The following OLFM4 variants were observed in gnomAD, a reference collection of about 807,000 sequenced individuals.
OLFM4 encodes olfactomedin 4.
Under a neutral mutation model 25.5 loss-of-function variants are expected in OLFM4, and 22 were observed. The observed-to-expected ratio is 0.86, with a 90% CI of 0.62 to 1.23. The LOEUF is 1.23. Among genes scored for constraint, OLFM4 ranks in the 50% most tolerant of loss-of-function variants. The probability of loss-of-function intolerance (pLI) is 0.00; values close to 1 mark genes in which losing one functional copy is unlikely to be tolerated. For missense variants in OLFM4, 594 were observed against 619.4 expected (o/e 0.96, Z 0.44); for synonymous variants, 255 against 237.7 (o/e 1.07, Z -0.67).
At chr13:53,032,094 C>A (rs1954632184) in intron 1 of OLFM4, among the ~76,000 whole-genome samples, 1 of 152,174 alleles carries the variant, frequency 6.6e-6, no homozygotes, top group Non-Finnish European at 1.5e-5. Context: ...GAGTCCACAG[C>A]TTTGGGACAG....
intron 1 of OLFM4, among the ~76,000 whole-genome samples, chr13:53,034,014 G>T (rs541975834): frequency 8.0e-5 from 11 of 137,622 alleles, no homozygotes; most frequent in Admixed American, 3.9e-4. Flanking sequence ...CCGAGATCGC[G>T]CCACTGCACT....
At chr13:53,042,187 A>T (rs563959660) in intron 3 of OLFM4, 65 bp downstream of exon 3, 1 of 1,366,332 alleles carries the variant, frequency 7.3e-7, no homozygotes, top group Non-Finnish European at 1.0e-6. Flanking sequence ...GTAAGCAAGT[A>T]CTAGTACCAG....
At chr13:53,049,742 C>T (rs557690453) in intron 4 of OLFM4, among the ~76,000 whole-genome samples, 20 of 152,234 alleles carry the variant, frequency 1.3e-4, no homozygotes, top group Admixed American at 1.2e-3. Flanking sequence ...AAAGCCCACC[C>T]ATGGAAACAG....
In OLFM4 at chr13:53,048,475, C is replaced by T. The variant is rs146795062; in HGVS notation, c.731-1494C>T. On this transcript the variant is annotated intron_variant, in intron 4 of 4. Coordinates refer to ENST00000219022, the MANE Select transcript of OLFM4 (RefSeq NM_006418.5). ...AATTCTGGGACCAAAAAGCCCCAGC[C>T]GATTGGAAAAATAAAAACAGAATTT... Among the ~76,000 whole-genome samples the T allele has an allele frequency of 8.7e-4, 133 of 152,222 alleles. 1 individual carries two copies. The East Asian group carries it at 0.015, about 17-fold the overall frequency.
intron 2 of OLFM4, among the ~76,000 whole-genome samples, chr13:53,036,797 C>A (rs1954661301): frequency 6.6e-6 from 1 of 152,160 alleles, no homozygotes; most frequent in African/African-American, 2.4e-5. Context: ...GGCAGATAGG[C>A]CAGGTGTTGT....
chr13:53,041,464 C>T (rs1245867389), intron 2 of OLFM4, among the ~76,000 whole-genome samples: 1 of 151,992 alleles, frequency 6.6e-6, no homozygotes, highest in Admixed American at 6.6e-5. Context: ...CAGAAGCGTA[C>T]TTGAGGGTGG....
At chr13:53,046,011 A>G (rs1954713699) in intron 4 of OLFM4, among the ~76,000 whole-genome samples, 1 of 152,160 alleles carries the variant, frequency 6.6e-6, no homozygotes, top group Non-Finnish European at 1.5e-5. Context: ...CTCAGTAAGT[A>G]GCTGATGATT....
intron 2 of OLFM4, among the ~76,000 whole-genome samples, chr13:53,036,398 CT>C (rs1375142643): frequency 2.0e-5 from 3 of 152,184 alleles, no homozygotes; most frequent in African/African-American, 7.2e-5. Context: ...GTGGAAACTA[CT>C]GATTTACATG....
At chr13:53,035,996 C>G (rs1169879249) in intron 2 of OLFM4, among the ~76,000 whole-genome samples, 4 of 152,220 alleles carry the variant, frequency 2.6e-5, no homozygotes, top group Non-Finnish European at 5.9e-5. Context: ...ACAAGGAGCT[C>G]TGGCTTTACT....
intron 2 of OLFM4, among the ~76,000 whole-genome samples, chr13:53,035,314 A>T (rs1284650635): frequency 6.9e-6 from 1 of 145,928 alleles, no homozygotes; most frequent in Non-Finnish European, 1.5e-5. Flanking sequence ...CTTTATTTTT[A>T]ATCTTATTTT....
At chr13:53,042,502 T>C (rs1954693070) in intron 3 of OLFM4, among the ~76,000 whole-genome samples, 1 of 152,208 alleles carries the variant, frequency 6.6e-6, no homozygotes. Context: ...ATATACCTGA[T>C]TGTGGTAAAA....
chr13:53,042,260 C>T, intron 3 of OLFM4, 138 bp downstream of exon 3: 3 of 740,564 alleles, frequency 4.1e-6, no homozygotes, highest in South Asian at 3.6e-5. Flanking sequence ...TGGCATATCA[C>T]TATGTTCTGT....
Position 53,050,877 on chromosome 13 carries a change from C to CTGCAA in OLFM4, c.*106_*107insTGCAA. ...GTCTAAAAGTGTGTTCATTTTGCAGCAATGTTTAGGTGCATAGTTCTACCA... is the reference window on the plus strand; with the variant it reads ...GTCTAAAAGTGTGTTCATTTTGCAGCTGCAAAATGTTTAGGTGCATAGTTCTACCA... On this transcript the variant is annotated 3_prime_UTR_variant, in exon 5 of 5. Coordinates refer to ENST00000219022, the MANE Select transcript of OLFM4 (RefSeq NM_006418.5). 1 of 975,882 alleles carries CTGCAA rather than the reference C, an allele frequency of 1.0e-6. No individual in the cohort carries two copies. The highest frequency in any genetic ancestry group is 1.5e-6 in the Non-Finnish European group (1 of 668,830). 60.5% of individuals were successfully genotyped at this position (975,882 alleles called of 1,614,324 possible).
intron 2 of OLFM4, among the ~76,000 whole-genome samples, chr13:53,040,751 G>A (rs142165072): frequency 6.6e-6 from 1 of 152,170 alleles, no homozygotes; most frequent in Non-Finnish European, 1.5e-5. Context: ...ACAGTGCTGA[G>A]GTTGAGAAAC....
chr13:53,030,801 A>G (rs145258644), intron 1 of OLFM4, among the ~76,000 whole-genome samples: 1,621 of 152,256 alleles, frequency 0.011, 38 homozygotes, highest in African/African-American at 0.037. Context: ...TATAGATGAA[A>G]ATTGCTTATT....
chr13:53,030,291 T>TTTG (rs971959458), intron 1 of OLFM4, among the ~76,000 whole-genome samples: 1 of 152,084 alleles, frequency 6.6e-6, no homozygotes, highest in African/African-American at 2.4e-5. Flanking sequence ...TATATATCTT[T>TTTG]TTGTTGTTGT....
Position 53,043,164 on chromosome 13 carries a change from T to C in OLFM4, c.630T>C (p.Leu210=), listed in dbSNP as rs369192548. Residue 210 remains leucine (L), a synonymous_variant, in exon 4 of 5, where the codon CTT becomes CTC. Transcript: ENST00000219022. The part of the protein sequence containing the change: ...KLETLDKNNV[L]AIRREIVALK... ...AGACACTAGACAAAAACAATGTCCTTGCCATTCGCCGAGAAATCGTGGCTC... is the reference window on the plus strand; with the variant it reads ...AGACACTAGACAAAAACAATGTCCTCGCCATTCGCCGAGAAATCGTGGCTC... The C allele has an allele frequency of 2.7e-5, 44 of 1,613,490 alleles. No homozygotes were observed. The South Asian group carries it at 4.7e-4, about 17-fold the overall frequency.
intron 2 of OLFM4, among the ~76,000 whole-genome samples, chr13:53,036,961 C>G (rs148590252): frequency 6.6e-6 from 1 of 152,288 alleles, no homozygotes; most frequent in African/African-American, 2.4e-5. Flanking sequence ...TTAGCATCCT[C>G]CAAGGTAGGC....
chr13:53,048,569 A>G (rs780675468), intron 4 of OLFM4, among the ~76,000 whole-genome samples: 15 of 152,158 alleles, frequency 9.9e-5, no homozygotes, highest in Non-Finnish European at 2.2e-4. Context: ...TTTAGCAAGG[A>G]AAGGAATGGG....
Sources: gnomAD v4.1 joint callset for allele counts (sites outside exome capture counted in the v4.1 genomes callset) on GRCh38, gnomAD v4.1.1 for gene constraint, MANE v1.5 for transcripts, NCBI Gene and HGNC (gene_info 2026-07-23, HGNC 2026-07-21) for gene names.